The following RAP1GAP2 variants were observed in gnomAD, a reference collection of about 807,000 sequenced individuals.
RAP1GAP2 encodes rap1 GTPase-activating protein 2.
In RAP1GAP2, 27 loss-of-function variants were observed where a neutral mutation model predicts 95.0. The observed-to-expected ratio is 0.28, with a 90% CI of 0.21 to 0.39. The LOEUF is 0.39. Among genes scored for constraint, RAP1GAP2 ranks in the 10% least tolerant of loss-of-function variants. RAP1GAP2 has a pLI of 1.00. For missense variants in RAP1GAP2, 771 were observed against 970.0 expected (o/e 0.79, Z 2.72); for synonymous variants, 373 against 380.9 (o/e 0.98, Z 0.24).
chr17:2,971,654 G>A (rs1298572008), intron 8 of RAP1GAP2, among the ~76,000 whole-genome samples: 4 of 152,108 alleles, frequency 2.6e-5, no homozygotes, highest in African/African-American at 9.7e-5. Context: ...ACTTCTCTGT[G>A]TCTCATTTTC....
intron 2 of RAP1GAP2, among the ~76,000 whole-genome samples, chr17:2,901,797 C>T (rs1319724237): frequency 6.6e-6 from 1 of 151,948 alleles, no homozygotes; most frequent in East Asian, 1.9e-4. Flanking sequence ...GGGAGGGTGG[C>T]TCATGTGTAA....
rs34690298 is a variant in RAP1GAP2, at chr17:2,931,280, T to TTGTGTGTGTGTGTGTG, written c.165+25930_165+25945dup. Among the ~76,000 whole-genome samples, 193 of 146,744 alleles carry TTGTGTGTGTGTGTGTG rather than the reference T, an allele frequency of 1.3e-3. 3 individuals are homozygous for TTGTGTGTGTGTGTGTG. The highest frequency in any genetic ancestry group is 4.2e-3 in the African/African-American group (162 of 38,848). ...TATGTTTGCCATGAGTGAGTGTTTC[T>TTGTGTGTGTGTGTGTG]TGTGTGTGTGTGTGTGTGTGTGTGT... On this transcript the variant is annotated intron_variant, in intron 3 of 24. Coordinates refer to ENST00000254695, the MANE Select transcript of RAP1GAP2 (RefSeq NM_015085.5).
chr17:2,945,334 C>T (rs913581213), intron 3 of RAP1GAP2, among the ~76,000 whole-genome samples: 5 of 152,080 alleles, frequency 3.3e-5, no homozygotes, highest in Non-Finnish European at 7.4e-5. Context: ...GATTTTTGTA[C>T]TCTGCAATTT....
At position 2,963,728 on chromosome 17, in the gene RAP1GAP2, G is replaced by A; in HGVS notation, c.280-128G>A. The A allele has an allele frequency of 1.1e-6, 1 of 893,556 alleles. No homozygotes were observed. Among genetic ancestry groups the A allele is most frequent in the Non-Finnish European group, 1.7e-6 (1 of 593,262 alleles). The allele number at this position is 893,556 out of a possible 1,614,324, so 55.4% of individuals were successfully genotyped here. On this transcript the variant is annotated intron_variant, in intron 6 of 24. Coordinates refer to ENST00000254695, the MANE Select transcript of RAP1GAP2 (RefSeq NM_015085.5). This position sits in a 1 kb window ranked among gnomAD's most constrained non-coding sequence, Gnocchi z 4.8. ...GCTTGGAGGAGGGGTTCATGTCACT[G>A]CCTTTGGCCTCAAGTACCAGTGGGT...
intron 2 of RAP1GAP2, among the ~76,000 whole-genome samples, chr17:2,804,475 T>C (rs1225167420): frequency 6.6e-6 from 1 of 152,352 alleles, no homozygotes; most frequent in East Asian, 1.9e-4. Flanking sequence ...GTCTGTGTTT[T>C]GTGTGTGGAG....
At chr17:3,007,463 C>T (rs546962729) in intron 16 of RAP1GAP2, among the ~76,000 whole-genome samples, 1 of 152,170 alleles carries the variant, frequency 6.6e-6, no homozygotes, top group Non-Finnish European at 1.5e-5. Flanking sequence ...GTTGGGAAGA[C>T]TTGGTGGACT....
chr17:2,863,179 C>T (rs531261703), intron 2 of RAP1GAP2, among the ~76,000 whole-genome samples: 10 of 151,978 alleles, frequency 6.6e-5, no homozygotes, highest in South Asian at 4.2e-4. Flanking sequence ...AAGAGGGTCT[C>T]GAAGAATCCA....
At chr17:2,769,534 G>A (rs1482370539) in intron 1 of RAP1GAP2, among the ~76,000 whole-genome samples, 2 of 151,340 alleles carry the variant, frequency 1.3e-5, no homozygotes, top group African/African-American at 4.9e-5. Context: ...CAGCCTGGGT[G>A]ACAGAGCGAG....
chr17:3,030,177 T>TAC (rs61671474), intron 22 of RAP1GAP2, among the ~76,000 whole-genome samples: 5,699 of 145,216 alleles, frequency 0.039, 272 homozygotes, highest in African/African-American at 0.11. Flanking sequence ...ATATATATTA[T>TAC]ACACACACAC....
At chr17:3,009,902 G>C (rs779631309) in intron 17 of RAP1GAP2, among the ~76,000 whole-genome samples, 1 of 152,000 alleles carries the variant, frequency 6.6e-6, no homozygotes, top group Non-Finnish European at 1.5e-5. Context: ...ACAGGAAAAC[G>C]GGCTTGGGTC....
chr17:3,030,298 A>G (rs1156689050), intron 22 of RAP1GAP2, among the ~76,000 whole-genome samples: 2 of 151,986 alleles, frequency 1.3e-5, no homozygotes, highest in East Asian at 3.9e-4. Flanking sequence ...AAGTTTTCAA[A>G]CCCCGGAAGG....
intron 16 of RAP1GAP2, among the ~76,000 whole-genome samples, chr17:3,007,235 C>T (rs544809028): frequency 4.6e-5 from 7 of 152,120 alleles, no homozygotes; most frequent in African/African-American, 1.7e-4. Flanking sequence ...GAGCTCGGGA[C>T]GGTGGGCTGC....
chr17:2,775,994 C>A (rs148664535), upstream of RAP1GAP2, among the ~76,000 whole-genome samples: 932 of 152,320 alleles, frequency 6.1e-3, 13 homozygotes, highest in Non-Finnish European at 7.7e-3. Flanking sequence ...GCCTGGCCAA[C>A]ATGGCGAAAC....
At chr17:2,897,442 G>A (rs934584745) in intron 2 of RAP1GAP2, among the ~76,000 whole-genome samples, 5 of 151,672 alleles carry the variant, frequency 3.3e-5, no homozygotes, top group Non-Finnish European at 4.4e-5. Flanking sequence ...ATGGAATCTC[G>A]CTCTGTTGCC....
At chr17:2,995,790 C>T (rs1446268541) in intron 13 of RAP1GAP2, among the ~76,000 whole-genome samples, 2 of 151,954 alleles carry the variant, frequency 1.3e-5, no homozygotes, top group East Asian at 1.9e-4. Context: ...GAGGTTTCTC[C>T]GTTTATCAGG....
intron 2 of RAP1GAP2, among the ~76,000 whole-genome samples, chr17:2,842,350 T>G (rs917350628): frequency 1.3e-5 from 2 of 151,908 alleles, no homozygotes; most frequent in Non-Finnish European, 2.9e-5. Context: ...GCCAACATGG[T>G]GAAACCCTGT....
At position 2,938,879 on chromosome 17, in the gene RAP1GAP2, C is replaced by T. The variant is rs557322427; in HGVS notation, c.166-18880C>T. Among the ~76,000 whole-genome samples the T allele has an allele frequency of 6.6e-5, 10 of 151,842 alleles. No individual in the cohort carries two copies. The East Asian group carries it at 1.6e-3, about 24-fold the overall frequency. On this transcript the variant is annotated intron_variant, in intron 3 of 24. Transcript: ENST00000254695. The stretch of plus-strand genomic sequence containing the variant: ...GCGGGTGCCTGTAACCCCAGCCACT[C>T]GGGGACTGAGGCAGGAGAATCTCTT...
At position 3,036,113 on chromosome 17, in the gene RAP1GAP2, G is replaced by A. The variant is rs1430722441; in HGVS notation, c.*2752G>A. ...AACAGGTGCAGAAAAGCTCGCGATG[G>A]AAGGTCTTAATGAGAGTGTCTGTCT... On this transcript the variant is annotated 3_prime_UTR_variant, in exon 25 of 25. Coordinates refer to ENST00000254695, the MANE Select transcript of RAP1GAP2 (RefSeq NM_015085.5). The A allele has an allele frequency of 6.6e-6, 1 of 152,244 alleles. No individual in the cohort carries two copies. Among genetic ancestry groups the A allele is most frequent in the Non-Finnish European group, 1.5e-5 (1 of 68,056 alleles). 9.4% of individuals were successfully genotyped at this position (152,244 alleles called of 1,614,324 possible). A position where few individuals can be genotyped will look rare whatever the true frequency, so the allele number is the denominator to read the frequency against.
intron 2 of RAP1GAP2, among the ~76,000 whole-genome samples, chr17:2,847,158 G>A (rs144266828): frequency 0.036 from 5,527 of 152,228 alleles, 166 homozygotes; most frequent in African/African-American, 0.065. Flanking sequence ...ACAGGCGCCC[G>A]CCACGTTGCC....
Sources: allele counts gnomAD v4.1 joint callset (sites outside exome capture counted in the v4.1 genomes callset), GRCh38; gene constraint gnomAD v4.1.1; non-coding constraint Gnocchi (gnomAD v3.1); transcripts MANE v1.5; gene names NCBI Gene and HGNC (gene_info 2026-07-23, HGNC 2026-07-21).